PDE4D: variants seen among roughly 807,000 people sequenced by gnomAD.
PDE4D encodes phosphodiesterase 4D.
A neutral mutation model predicts 87.4 loss-of-function variants in PDE4D; 24 were observed. That is an observed-to-expected ratio of 0.27 (90% CI 0.20 to 0.39). PDE4D has a LOEUF of 0.39. Among genes scored for constraint, PDE4D ranks in the 10% least tolerant of loss-of-function variants. The pLI is 1.00. For synonymous variants in PDE4D, 384 were observed against 383.2 expected (o/e 1.00, Z -0.02); for missense variants, 714 against 1,041.0 (o/e 0.69, Z 4.32).
intron 1 of PDE4D, among the ~76,000 whole-genome samples, chr5:60,371,774 G>C (rs928157452): frequency 6.6e-6 from 1 of 152,110 alleles, no homozygotes; most frequent in African/African-American, 2.4e-5. Context: ...GCACTCTTTT[G>C]TATCTGGATG....
chr5:59,749,142 T>TCGA lies in PDE4D; in HGVS notation c.455+144023_455+144025dup, dbSNP rs1760062757. On this transcript the variant is annotated intron_variant, in intron 1 of 14. Transcript: ENST00000340635. ...TCCTGTATCATCACTACTCTACTGATCGACTTGTGTTGTATGCCACCAATT... is the reference window on the plus strand; with the variant it reads ...TCCTGTATCATCACTACTCTACTGATCGACGACTTGTGTTGTATGCCACCAATT... Among the ~76,000 whole-genome samples, 4 of 152,346 alleles carry TCGA rather than the reference T, an allele frequency of 2.6e-5. No individual in the cohort carries two copies. In the South Asian group the frequency reaches 8.3e-4, roughly 32 times the overall value.
At chr5:59,369,202 A>G (rs1231212110) in intron 1 of PDE4D, among the ~76,000 whole-genome samples, 1 of 152,192 alleles carries the variant, frequency 6.6e-6, no homozygotes, top group Non-Finnish European at 1.5e-5. Context: ...AAGAGATGAC[A>G]TGAGGCAGAC....
At chr5:59,627,008 C>T (rs887836614) in intron 1 of PDE4D, among the ~76,000 whole-genome samples, 45 of 152,270 alleles carry the variant, frequency 3.0e-4, no homozygotes, top group African/African-American at 1.1e-3. Context: ...CCCAAAAGAC[C>T]TATCAGGAAG....
chr5:59,128,015 CGTGTGTGTGTGT>C (rs55796726), intron 5 of PDE4D, among the ~76,000 whole-genome samples: 4,314 of 144,398 alleles, frequency 0.03, 62 homozygotes, highest in Middle Eastern at 0.043. Flanking sequence ...CTTTCAGAGC[CGTGTGTGTGTGT>C]GTGTGTGTGT....
intron 1 of PDE4D, among the ~76,000 whole-genome samples, chr5:59,857,219 A>C (rs1745570563): frequency 6.6e-6 from 1 of 152,174 alleles, no homozygotes; most frequent in Non-Finnish European, 1.5e-5. Context: ...ATCTGGGTTT[A>C]CACATCACGC....
chr5:59,143,253 C>T (rs1181548804), intron 5 of PDE4D, among the ~76,000 whole-genome samples: 2 of 149,290 alleles, frequency 1.3e-5, no homozygotes, highest in African/African-American at 4.9e-5. Flanking sequence ...AATGAGAATA[C>T]ACAAATCCTC....
intron 1 of PDE4D, among the ~76,000 whole-genome samples, chr5:60,353,470 A>G (rs1226099193): frequency 6.6e-6 from 1 of 152,244 alleles, no homozygotes; most frequent in Non-Finnish European, 1.5e-5. Context: ...AACCCTCTGC[A>G]TGGTAGATGA....
At chr5:60,084,000 G>A (rs373667196) in intron 2 of PDE4D, among the ~76,000 whole-genome samples, 2 of 152,198 alleles carry the variant, frequency 1.3e-5, no homozygotes, top group African/African-American at 2.4e-5. Flanking sequence ...TGTAAATTGC[G>A]AACTGAGGCG....
intron 2 of PDE4D, among the ~76,000 whole-genome samples, chr5:60,011,253 G>A (rs897139137): frequency 6.6e-6 from 1 of 152,090 alleles, no homozygotes; most frequent in Non-Finnish European, 1.5e-5. Context: ...TGGAGCTCCA[G>A]AAAGGGCATG....
chr5:59,758,334 C>T (rs1282288642), intron 1 of PDE4D, among the ~76,000 whole-genome samples: 5 of 152,112 alleles, frequency 3.3e-5, no homozygotes, highest in Middle Eastern at 3.2e-3. Flanking sequence ...AAATCATTGA[C>T]GTCTATGTTA....
At chr5:60,418,946 T>TA (rs1392784289) in intron 1 of PDE4D, among the ~76,000 whole-genome samples, 4 of 151,646 alleles carry the variant, frequency 2.6e-5, no homozygotes, top group Non-Finnish European at 5.9e-5. Flanking sequence ...AACATAAGAA[T>TA]AAAAAATAGA....
chr5:59,518,473 G>C lies in PDE4D; in HGVS notation c.456-302505C>G, dbSNP rs528435962. 2.8e-4 allele frequency among the ~76,000 whole-genome samples: 43 copies of C among 152,154 alleles called. No homozygotes were observed. In the South Asian group the frequency reaches 4.2e-3, roughly 15 times the overall value. On this transcript the variant is annotated intron_variant, in intron 1 of 14. Coordinates refer to ENST00000340635, the MANE Select transcript of PDE4D (RefSeq NM_001104631.2). The stretch of plus-strand genomic sequence containing the variant: ...CACTATGGTGGCTGCCCAGGAGGAG[G>C]GGGGCAGGACATGAGCACTCACATC...
At chr5:59,567,722 T>G (rs1267070369) in intron 1 of PDE4D, among the ~76,000 whole-genome samples, 1 of 152,188 alleles carries the variant, frequency 6.6e-6, no homozygotes, top group Non-Finnish European at 1.5e-5. Flanking sequence ...ACAGCACCAC[T>G]GGAATTGAAC....
intron 6 of PDE4D, among the ~76,000 whole-genome samples, chr5:59,008,351 G>T (rs1016657914): frequency 8.6e-5 from 13 of 151,894 alleles, no homozygotes; most frequent in Admixed American, 2.6e-4. Flanking sequence ...TTTAAACAAA[G>T]AGAATATCTG....
At chr5:60,365,666 G>A (rs1446798257) in intron 1 of PDE4D, among the ~76,000 whole-genome samples, 1 of 152,232 alleles carries the variant, frequency 6.6e-6, no homozygotes, top group Admixed American at 6.5e-5. Context: ...CAAGGGCGCT[G>A]AGATTACAAC....
chr5:59,883,776 G>A (rs1749783680), intron 1 of PDE4D, among the ~76,000 whole-genome samples: 2 of 152,118 alleles, frequency 1.3e-5, no homozygotes, highest in South Asian at 2.1e-4. Context: ...ATCAGAACCA[G>A]TCTGTGACTC....
At chr5:59,727,834 T>C (rs1756825581) in intron 1 of PDE4D, among the ~76,000 whole-genome samples, 1 of 152,116 alleles carries the variant, frequency 6.6e-6, no homozygotes. Flanking sequence ...GCCATGTGTC[T>C]GACCTATGAC....
chr5:60,068,454 T>C (rs920192473), intron 2 of PDE4D, among the ~76,000 whole-genome samples: 1 of 151,354 alleles, frequency 6.6e-6, no homozygotes, highest in East Asian at 1.9e-4. Flanking sequence ...CTCTCTTTTA[T>C]TTTAACTAAT....
rs530087612 is a variant in PDE4D at position 59,707,677 on chromosome 5, C to G, written c.455+185491G>C. ...TACTTTCCCTCACTAAACCCCACTCCCTGACAGGCCCCAGTGTGTGTTGTT... is the reference window on the plus strand; with the variant it reads ...TACTTTCCCTCACTAAACCCCACTCGCTGACAGGCCCCAGTGTGTGTTGTT... On this transcript the variant is annotated intron_variant, in intron 1 of 14. Transcript: ENST00000340635. 5.9e-5 allele frequency among the ~76,000 whole-genome samples: 9 copies of G among 152,192 alleles called. No individual in the cohort carries two copies. In the South Asian group the frequency reaches 1.7e-3, roughly 28 times the overall value.
Sources: gnomAD v4.1 joint callset for allele counts (sites outside exome capture counted in the v4.1 genomes callset) on GRCh38, gnomAD v4.1.1 for gene constraint, MANE v1.5 for transcripts, NCBI Gene and HGNC (gene_info 2026-07-23, HGNC 2026-07-21) for gene names.